The following MEGF11 variants were observed in gnomAD, a reference collection of about 807,000 sequenced individuals.
MEGF11 encodes multiple epidermal growth factor-like domains protein 11.
MEGF11 carries 126 observed loss-of-function variants against 146.6 expected under a neutral mutation model. The ratio of observed to expected loss-of-function variants is 0.86; its 90% CI spans 0.74 to 1.00. MEGF11 has a LOEUF of 1.00. MEGF11 is among the 50% of genes least tolerant of loss of function. The pLI, the probability that MEGF11 is intolerant of heterozygous loss-of-function variation, is 0.00. For missense variants in MEGF11, 1,509 were observed against 1,521.2 expected (o/e 0.99, Z 0.13); for synonymous variants, 532 against 583.4 (o/e 0.91, Z 1.27).
intron 5 of MEGF11, among the ~76,000 whole-genome samples, chr15:66,066,646 G>A (rs1023886283): frequency 5.3e-5 from 8 of 152,162 alleles, no homozygotes; most frequent in African/African-American, 1.7e-4. Flanking sequence ...AAGCTCCACG[G>A]CTGCGAGTCC....
Position 66,094,452 on chromosome 15 carries a change from G to T in MEGF11, c.344C>A (p.Pro115Gln). The T allele has an allele frequency of 6.4e-7, 1 of 1,560,974 alleles. No homozygotes were observed. Among genetic ancestry groups the T allele is most frequent in the South Asian group, 1.2e-5 (1 of 84,642 alleles). ...EECVHGRCVS[P>Q]DTCHCEPGWG... ...GCCAGGCTCGCAGTGGCAGGTGTCC[G>T]GGGAAACGCAGCGGCCGTGCACACA... The change falls in exon 5 of 26, where the codon CCG becomes CAG. Residue 115 changes from proline to glutamine, a missense_variant. Pro to Gln is a moderately conservative substitution (Grantham distance 76, BLOSUM62 -1). Transcript: ENST00000395614.
intron 5 of MEGF11, among the ~76,000 whole-genome samples, chr15:66,064,439 TA>T (rs1567224343): frequency 6.6e-6 from 1 of 152,198 alleles, no homozygotes; most frequent in Non-Finnish European, 1.5e-5. Context: ...TTTCCCCAGG[TA>T]ATACTCACTA....
intron 7 of MEGF11, among the ~76,000 whole-genome samples, chr15:65,973,362 T>C (rs1021496580): frequency 1.3e-5 from 2 of 152,238 alleles, no homozygotes; most frequent in African/African-American, 4.8e-5. Context: ...AGACTTCTAA[T>C]GGGTCTGACC....
chr15:65,967,474 T>C (rs1021688449), intron 8 of MEGF11, among the ~76,000 whole-genome samples: 1 of 152,152 alleles, frequency 6.6e-6, no homozygotes, highest in Non-Finnish European at 1.5e-5. Flanking sequence ...TTCTTTATTA[T>C]GTATTTTGGA....
intron 5 of MEGF11, among the ~76,000 whole-genome samples, chr15:66,065,458 G>A (rs1567224823): frequency 6.6e-6 from 1 of 152,170 alleles, no homozygotes. Context: ...CTGGATCTGA[G>A]GGTCCACTGC....
intron 15 of MEGF11, among the ~76,000 whole-genome samples, chr15:65,918,718 A>G (rs906860776): frequency 1.3e-5 from 2 of 152,158 alleles, no homozygotes; most frequent in African/African-American, 4.8e-5. Context: ...TTCCAATTTG[A>G]GTCACTTGGA....
chr15:66,082,633 G>C (rs1246876226), intron 5 of MEGF11, among the ~76,000 whole-genome samples: 1 of 111,786 alleles, frequency 8.9e-6, no homozygotes, highest in Non-Finnish European at 1.7e-5. Flanking sequence ...TCGTGCCACT[G>C]TATTCTGTAT....
intron 1 of MEGF11, among the ~76,000 whole-genome samples, chr15:66,199,134 G>GA (rs376789552): frequency 5.3e-5 from 8 of 151,136 alleles, no homozygotes; most frequent in Admixed American, 2.0e-4. Flanking sequence ...GCATGCAAGG[G>GA]AAAAAAAACA....
intron 1 of MEGF11, among the ~76,000 whole-genome samples, chr15:66,167,369 C>T (rs750419414): frequency 3.3e-5 from 5 of 151,296 alleles, no homozygotes; most frequent in African/African-American, 7.3e-5. Context: ...TGGCTGGGCA[C>T]GGTGGCTCAC....
chr15:66,192,906 T>C (rs1195318905), intron 1 of MEGF11, among the ~76,000 whole-genome samples: 2 of 152,242 alleles, frequency 1.3e-5, no homozygotes, highest in Non-Finnish European at 2.9e-5. Context: ...TAGCTATTCA[T>C]TGGCAACATG....
At position 65,970,650 on chromosome 15, in the gene MEGF11, C is replaced by T. The variant is rs527625928; in HGVS notation, c.802G>A (p.Gly268Ser). 6.2e-7 allele frequency: 1 copy of T among 1,613,312 alleles called. No individual in the cohort carries two copies. Among genetic ancestry groups the T allele is most frequent in the Non-Finnish European group, 8.5e-7 (1 of 1,179,608 alleles). ...GGACAATCCTGGCTGCAGTTCTGGCCAAATGTCCCTGGTGGGCAGGGCTGG... is the reference window on the plus strand; with the variant it reads ...GGACAATCCTGGCTGCAGTTCTGGCTAAATGTCCCTGGTGGGCAGGGCTGG... Reference protein sequence around the residue: ...CAQPCPPGTFGQNCSQDCPCH... With the variant: ...CAQPCPPGTFSQNCSQDCPCH... Residue 268 changes from glycine (G) to serine (S), a missense_variant, in exon 8 of 26, where the codon GGC becomes AGC. Transcript: ENST00000395614.
chr15:66,091,713 T>C (rs2086330989), intron 5 of MEGF11, among the ~76,000 whole-genome samples: 2 of 152,222 alleles, frequency 1.3e-5, no homozygotes, highest in African/African-American at 4.8e-5. Flanking sequence ...ATTCAATATA[T>C]AGTAGCTATC....
Position 65,964,775 on chromosome 15 carries a change from G to A in MEGF11, c.1112+133C>T, listed in dbSNP as rs558026910. The A allele has an allele frequency of 1.3e-4, 107 of 826,244 alleles. No individual in the cohort carries two copies. The African/African-American group carries it at 1.7e-3, about 13-fold the overall frequency. 51.2% of individuals were successfully genotyped at this position (826,244 alleles called of 1,614,324 possible). A position where few individuals can be genotyped will look rare whatever the true frequency, so the allele number is the denominator to read the frequency against. ...ATCAAAGTGGTTCTCAGGGCTCAGT[G>A]CTGAGGTCCTAGCCCTTTCCCCCAC... On this transcript the variant is annotated intron_variant, in intron 9 of 25. Coordinates refer to ENST00000395614, the MANE Select transcript of MEGF11 (RefSeq NM_001385028.1).
chr15:66,246,188 G>A (rs188324631), intron 1 of MEGF11, among the ~76,000 whole-genome samples: 2 of 152,278 alleles, frequency 1.3e-5, no homozygotes, highest in African/African-American at 2.4e-5. Flanking sequence ...ACCCGAGAGG[G>A]AGAGTTTGCA....
At chr15:65,949,713 G>A (rs114828785) in intron 10 of MEGF11, among the ~76,000 whole-genome samples, 219 of 152,336 alleles carry the variant, frequency 1.4e-3, no homozygotes, top group African/African-American at 4.9e-3. Context: ...GGAGGCAGCC[G>A]GAAGGGGGTC....
chr15:65,919,817 A>G (rs1254180626), intron 15 of MEGF11, among the ~76,000 whole-genome samples: 1 of 152,170 alleles, frequency 6.6e-6, no homozygotes, highest in Non-Finnish European at 1.5e-5. Context: ...ACAGGGTTTC[A>G]CCATGTTGGC....
Position 65,970,684 on chromosome 15 carries a change from T to G in MEGF11, c.768A>C (p.Ala256=). 6.2e-7 allele frequency: 1 copy of G among 1,610,138 alleles called. No individual in the cohort carries two copies. Among genetic ancestry groups the G allele is most frequent in the Non-Finnish European group, 8.5e-7 (1 of 1,178,162 alleles). ...CTGGTGGGCAGGGCTGGGCACACAC[T>G]GCTCCCTAAAAGAAAGGTGGGAAGA... is the stretch of plus-strand genomic sequence containing the variant. ...ECACPPGWTG[A]VCAQPCPPGT... Residue 256 remains alanine (A), a synonymous_variant, in exon 8 of 26, where the codon GCA becomes GCC. Transcript: ENST00000395614.
At chr15:66,181,869 C>T (rs139616022) in intron 1 of MEGF11, among the ~76,000 whole-genome samples, 221 of 152,288 alleles carry the variant, frequency 1.5e-3, no homozygotes, top group African/African-American at 5.2e-3. Context: ...CCTGTGAGTT[C>T]CATGAATACT....
chr15:66,249,793 A>C (rs2092345795), intron 1 of MEGF11, among the ~76,000 whole-genome samples: 1 of 152,262 alleles, frequency 6.6e-6, no homozygotes, highest in Non-Finnish European at 1.5e-5. Context: ...GACCTACTCC[A>C]GACCCATTGA....
Sources: allele counts gnomAD v4.1 joint callset (sites outside exome capture counted in the v4.1 genomes callset), GRCh38; gene constraint gnomAD v4.1.1; transcripts MANE v1.5; gene names NCBI Gene and HGNC (gene_info 2026-07-23, HGNC 2026-07-21).